The following DAB1 variants were observed in gnomAD, a reference collection of about 807,000 sequenced individuals.
DAB1 encodes the protein DAB adaptor protein 1.
DAB1 carries 15 observed loss-of-function variants against 64.6 expected under a neutral mutation model. The observed-to-expected ratio is 0.23, with a 90% CI of 0.16 to 0.36. The LOEUF (loss-of-function observed/expected upper bound fraction) is 0.36, where lower values mean the gene tolerates loss of function less well. Ranked by LOEUF, DAB1 falls within the 10% of genes least tolerant of loss-of-function variation. DAB1 has a pLI of 1.00. For synonymous variants in DAB1, 235 were observed against 251.9 expected, an observed-to-expected ratio of 0.93 and a Z score of 0.64; for missense variants, 596 against 706.7, an observed-to-expected ratio of 0.84 and a Z score of 1.78.
At chr1:58,424,610 A>G (rs1679807749) in intron 3 of DAB1, among the ~76,000 whole-genome samples, 1 of 152,076 alleles carries the variant, frequency 6.6e-6, no homozygotes, top group Admixed American at 6.5e-5. Context: ...TTTTGTTTCT[A>G]TGGGACTTGT....
At chr1:58,102,690 A>G (rs1651391686) in intron 5 of DAB1, among the ~76,000 whole-genome samples, 1 of 152,134 alleles carries the variant, frequency 6.6e-6, no homozygotes, top group Non-Finnish European at 1.5e-5. Context: ...ATTCTCACCC[A>G]CCTTTTTCTT....
intron 7 of DAB1, among the ~76,000 whole-genome samples, chr1:57,608,678 T>C (rs769766057): frequency 2.1e-4 from 32 of 152,236 alleles, no homozygotes; most frequent in Non-Finnish European, 4.7e-4. Context: ...AACATTATTA[T>C]TCCCATTACA....
At chr1:57,394,814 G>A (rs1158384103) in intron 1 of DAB1, among the ~76,000 whole-genome samples, 2 of 152,166 alleles carry the variant, frequency 1.3e-5, no homozygotes, top group Non-Finnish European at 2.9e-5. Flanking sequence ...ATGCAGAGCT[G>A]CCCAAACTTA....
rs1038599316 is a variant in DAB1 at position 56,995,147 on chromosome 1, A to T, written c.*2997T>A. On this transcript the variant is annotated 3_prime_UTR_variant, in exon 15 of 15. Transcript: ENST00000371236. ...CAAAAAAGTCTTGCGGCATGTAAAG[A>T]TTGAAGAGCTATGGAGAATGGGGAC... 1 of 152,242 alleles carries T rather than the reference A, an allele frequency of 6.6e-6. No individual in the cohort carries two copies. Among genetic ancestry groups the T allele is most frequent in the Non-Finnish European group, 1.5e-5 (1 of 68,056 alleles). 9.4% of individuals were successfully genotyped at this position (152,242 alleles called of 1,614,324 possible). A position where few individuals can be genotyped will look rare whatever the true frequency, so the allele number is the denominator to read the frequency against.
intron 4 of DAB1, among the ~76,000 whole-genome samples, chr1:57,132,406 A>G (rs1234808975): frequency 2.6e-5 from 4 of 152,142 alleles, no homozygotes; most frequent in Non-Finnish European, 4.4e-5. Context: ...ACAGTGACCA[A>G]TTCATCTTCA....
intron 9 of DAB1, among the ~76,000 whole-genome samples, chr1:57,053,134 T>C (rs1649356561): frequency 6.6e-6 from 1 of 152,196 alleles, no homozygotes; most frequent in African/African-American, 2.4e-5. Context: ...ATAAGGATAA[T>C]GAATCTCAGA....
At chr1:58,153,292 C>T (rs572872844) in intron 4 of DAB1, among the ~76,000 whole-genome samples, 29 of 152,178 alleles carry the variant, frequency 1.9e-4, no homozygotes, top group Admixed American at 1.1e-3. Flanking sequence ...AAAGTACTTC[C>T]ACATCTTTCA....
At chr1:58,507,377 T>C (rs971604871) in intron 2 of DAB1, among the ~76,000 whole-genome samples, 1 of 152,000 alleles carries the variant, frequency 6.6e-6, no homozygotes, top group Non-Finnish European at 1.5e-5. Flanking sequence ...AATAGAACAC[T>C]GCATGCTAGT....
intron 7 of DAB1, among the ~76,000 whole-genome samples, chr1:57,494,733 G>C (rs981123105): frequency 1.3e-5 from 2 of 152,134 alleles, no homozygotes; most frequent in African/African-American, 4.8e-5. Context: ...CTGGTTTCTC[G>C]TCTCAATATA....
intron 1 of DAB1, among the ~76,000 whole-genome samples, chr1:57,330,924 C>T (rs901884561): frequency 6.6e-6 from 1 of 152,130 alleles, no homozygotes; most frequent in African/African-American, 2.4e-5. Context: ...TGAACTGTCT[C>T]ATCTCTGTAG....
Position 57,847,312 on chromosome 1 carries a change from G to C in DAB1, n.88-20857C>G, listed in dbSNP as rs1653333970. Among the ~76,000 whole-genome samples the C allele has an allele frequency of 2.0e-5, 3 of 150,128 alleles. No homozygotes were observed. The South Asian group carries it at 6.3e-4, about 31-fold the overall frequency. On this transcript the variant is annotated intron_variant and non_coding_transcript_variant, in intron 1 of 1. Transcript: ENST00000477280. ...AAAACTACAAAGATAAGATAGCCTA[G>C]ATAGAAGAAAAAAAAGGAAAACAAA...
At chr1:57,088,541 T>G (rs1251508068) in intron 4 of DAB1, among the ~76,000 whole-genome samples, 1 of 152,214 alleles carries the variant, frequency 6.6e-6, no homozygotes, top group Admixed American at 6.5e-5. Context: ...GGTAGGAGCC[T>G]AAGTTTGATA....
In DAB1 at chr1:57,763,573, G is replaced by A. The variant is rs184835934; in HGVS notation, n.552-113908C>T. Among the ~76,000 whole-genome samples the A allele has an allele frequency of 5.3e-5, 8 of 152,228 alleles. No homozygotes were observed. In the East Asian group the frequency reaches 9.7e-4, roughly 18 times the overall value. ...GTATCCCTATAGTCCTAACTACTTG[G>A]GAGGCAGAGGTAGGAGGATTGCTTG... On this transcript the variant is annotated intron_variant and non_coding_transcript_variant, in intron 6 of 20. Coordinates refer to the DAB1 transcript ENST00000485760.
At chr1:58,280,741 T>G (rs935715213) in intron 4 of DAB1, among the ~76,000 whole-genome samples, 1 of 152,210 alleles carries the variant, frequency 6.6e-6, no homozygotes, top group African/African-American at 2.4e-5. Context: ...CCACCTGCCC[T>G]TGGATCTTGC....
intron 7 of DAB1, among the ~76,000 whole-genome samples, chr1:57,478,586 CTTTTTTTTTTTTTT>C (rs35538831): frequency 2.5e-5 from 2 of 81,226 alleles, no homozygotes; most frequent in South Asian, 9.4e-4. Flanking sequence ...TATTCCCATT[CTTTTTTTTTTTTTT>C]TTTTTTTTTT....
intron 6 of DAB1, among the ~76,000 whole-genome samples, chr1:57,741,727 T>G (rs79108918): frequency 0.024 from 3,726 of 152,324 alleles, 53 homozygotes; most frequent in Middle Eastern, 0.044. Flanking sequence ...GAATGAATCA[T>G]TCTTGCTTCC....
chr1:57,687,420 C>T (rs367890776), intron 6 of DAB1, among the ~76,000 whole-genome samples: 12 of 152,014 alleles, frequency 7.9e-5, no homozygotes, highest in African/African-American at 2.7e-4. Flanking sequence ...ACACTCCATG[C>T]TCATGAATTG....
intron 5 of DAB1, among the ~76,000 whole-genome samples, chr1:58,065,019 T>A (rs571434637): frequency 6.6e-6 from 1 of 152,224 alleles, no homozygotes; most frequent in Non-Finnish European, 1.5e-5. Flanking sequence ...CAACAATAGA[T>A]AAATTTGCTG....
At chr1:57,952,284 CT>C (rs1645296390) in intron 5 of DAB1, among the ~76,000 whole-genome samples, 1 of 152,148 alleles carries the variant, frequency 6.6e-6, no homozygotes, top group Admixed American at 6.6e-5. Flanking sequence ...GAAGAGTCAT[CT>C]TTGCTCATAA....
Sources: allele counts gnomAD v4.1 joint callset (sites outside exome capture counted in the v4.1 genomes callset), GRCh38; gene constraint gnomAD v4.1.1; transcripts MANE v1.5; gene names NCBI Gene and HGNC (gene_info 2026-07-23, HGNC 2026-07-21).